Variants in PIK3R2 observed in about 807,000 individuals in gnomAD.
PIK3R2 encodes phosphatidylinositol 3-kinase regulatory subunit beta.
A neutral mutation model predicts 78.5 loss-of-function variants in PIK3R2; 40 were observed. The ratio of observed to expected loss-of-function variants is 0.51; its 90% CI spans 0.40 to 0.66. The LOEUF (loss-of-function observed/expected upper bound fraction) is 0.66, where lower values mean the gene tolerates loss of function less well. Ranked by LOEUF, PIK3R2 falls within the 30% of genes least tolerant of loss-of-function variation. The pLI is 0.00. For synonymous variants in PIK3R2, 473 were observed against 457.7 expected, an observed-to-expected ratio of 1.03 and a Z score of -0.43; for missense variants, 880 against 1,026.6, an observed-to-expected ratio of 0.86 and a Z score of 1.95.
Position 18,155,837 on chromosome 19 carries a change from A to G in PIK3R2, c.-43A>G. On this transcript the variant is annotated 5_prime_UTR_variant, in exon 2 of 16. Transcript: ENST00000222254. ...AACCAATGGGGCCAGTGGGGCTCCA[A>G]GCAGCCACCTAACCATCCAGACCCC... is the stretch of plus-strand genomic sequence containing the variant. 4.7e-6 allele frequency: 7 copies of G among 1,485,672 alleles called. No homozygotes were observed. Among genetic ancestry groups the G allele is most frequent in the South Asian group, 3.9e-5 (3 of 76,756 alleles). The allele number at this position is 1,485,672 out of a possible 1,614,324, so 92.0% of individuals were successfully genotyped here.
At position 18,167,397 on chromosome 19, in the gene PIK3R2, A is replaced by G; in HGVS notation, c.1736+91A>G. ...TAGGAGTCTCAGTCTCTCTCTCTCC[A>G]CCAAGTGGCCCTTCCTGGGCCCCGA... On this transcript the variant is annotated intron_variant, in intron 13 of 15. Transcript: ENST00000222254. The surrounding 1 kb of genome is among the most constrained non-coding windows in gnomAD (Gnocchi z 4.5). The G allele has an allele frequency of 8.5e-7, 1 of 1,172,724 alleles. No homozygotes were observed. Among genetic ancestry groups the G allele is most frequent in the Non-Finnish European group, 1.2e-6 (1 of 865,940 alleles). The allele number at this position is 1,172,724 out of a possible 1,614,324, so 72.6% of individuals were successfully genotyped here.
At position 18,156,314 on chromosome 19, in the gene PIK3R2, G is replaced by C. The variant is rs2043679719; in HGVS notation, c.322+113G>C. 2 of 856,944 alleles carry C rather than the reference G, an allele frequency of 2.3e-6. No homozygotes were observed. Among genetic ancestry groups the C allele is most frequent in the African/African-American group, 3.6e-5 (2 of 55,662 alleles). The allele number at this position is 856,944 out of a possible 1,614,324, so 53.1% of individuals were successfully genotyped here. Reference sequence around the variant, plus strand: ...CAAGGAAGGAGGAAAAAGGACATTTGGTCATTTGACAAGTGTCTTCAGTGC... The same window carrying C: ...CAAGGAAGGAGGAAAAAGGACATTTCGTCATTTGACAAGTGTCTTCAGTGC... On this transcript the variant is annotated intron_variant, in intron 2 of 15. Transcript: ENST00000222254. This position sits in a 1 kb window ranked among gnomAD's most constrained non-coding sequence, Gnocchi z 4.2.
rs751700743 is a variant in PIK3R2 at position 18,169,246 on chromosome 19, G to A, written c.2139G>A (p.Ala713=). ...ACGACGCGCTCACCGTCACCCTGGC[G>A]CACCCAGTGCGCGCCCCGGGCCCCG... ...QHNDALTVTL[A]HPVRAPGPGP... is the part of the protein sequence containing the mutation. The change falls in exon 16 of 16, where the codon GCG becomes GCA. Residue 713 remains alanine (A), a synonymous_variant. Coordinates refer to ENST00000222254, the MANE Select transcript of PIK3R2 (RefSeq NM_005027.4). The A allele has an allele frequency of 2.5e-6, 4 of 1,577,684 alleles. No homozygotes were observed. Among genetic ancestry groups the A allele is most frequent in the Non-Finnish European group, 8.6e-7 (1 of 1,169,564 alleles).
Position 18,163,073 on chromosome 19 carries a change from C to G in PIK3R2, c.1216C>G (p.Arg406Gly), listed in dbSNP as rs149367522. The G allele has an allele frequency of 1.2e-6, 2 of 1,613,744 alleles. No homozygotes were observed. Among genetic ancestry groups the G allele is most frequent in the African/African-American group, 2.7e-5 (2 of 74,808 alleles). The change falls in exon 10 of 16, where the codon CGC (arginine) becomes GGC (glycine). Residue 406 changes from arginine (R) to glycine (G), a missense_variant. Arg to Gly is a moderately radical substitution (Grantham distance 125). Transcript: ENST00000222254. ...CSVVDLINHY[R>G]HESLAQYNAK... ...CGTTGTGGACCTCATCAATCACTACCGCCACGAGTCTCTGGCCCAGTACAA... is the reference window on the plus strand; with the variant it reads ...CGTTGTGGACCTCATCAATCACTACGGCCACGAGTCTCTGGCCCAGTACAA...
chr19:18,168,890 C>T lies in PIK3R2; in HGVS notation c.1973C>T (p.Ser658Phe). ...AGCCAGCGGGGCTGCTACGCCTGCT[C>T]CGTGGTGTGAGTGGACCGCAGCGGT... ...ESSQRGCYAC[S>F]VVVDGDTKHC... Residue 658 changes from serine (S) to phenylalanine (F), a missense_variant, in exon 15 of 16, where the codon TCC becomes TTC. Coordinates refer to ENST00000222254, the MANE Select transcript of PIK3R2 (RefSeq NM_005027.4). This position sits in a 1 kb window ranked among gnomAD's most constrained non-coding sequence, Gnocchi z 4.1. 1 of 1,612,402 alleles carries T rather than the reference C, an allele frequency of 6.2e-7. No homozygotes were observed. The highest frequency in any genetic ancestry group is 2.2e-5 in the East Asian group (1 of 44,790).
rs1170642617 is a variant in PIK3R2, at chr19:18,169,184, G to T, written c.2077G>T (p.Val693Leu). The change falls in exon 16 of 16, where the codon GTG becomes TTG. Residue 693 changes from valine to leucine, a missense_variant. Physicochemically the swap from Val to Leu is conservative, Grantham distance 32 (BLOSUM62 1). Around this residue, in one of 3 missense-constraint regions of PIK3R2, gnomAD observed 268 missense variants for 299.1 expected, o/e 0.90. Transcript: ENST00000222254. Reference sequence around the variant, plus strand: ...CCTGTACGGGTCGCTGAAGGAGCTGGTGCTGCACTACCAGCACGCCTCGCT... The same window carrying T: ...CCTGTACGGGTCGCTGAAGGAGCTGTTGCTGCACTACCAGCACGCCTCGCT... ...YNLYGSLKEL[V>L]LHYQHASLVQ... The T allele has an allele frequency of 2.5e-6, 4 of 1,609,796 alleles. No homozygotes were observed. Among genetic ancestry groups the T allele is most frequent in the South Asian group, 1.1e-5 (1 of 91,054 alleles).
In PIK3R2 at chr19:18,162,035, G is replaced by C. The variant is rs751565885; in HGVS notation, c.885G>C (p.Gln295His). 6 of 1,613,816 alleles carry C rather than the reference G, an allele frequency of 3.7e-6. No homozygotes were observed. The South Asian group carries it at 5.5e-5, about 15-fold the overall frequency. The change falls in exon 7 of 16, where the codon CAG (glutamine) becomes CAC (histidine). Residue 295 changes from glutamine to histidine, a missense_variant. Transcript: ENST00000222254. ...TGCTTCAGGAACACTTGGAAGAGCA[G>C]GAGGTTGCGCCCCCAGGTGAGTCCC... ...EKLLQEHLEE[Q>H]EVAPPALPPK...
At chr19:18,163,834 T>TAAAAACAG (rs2043778841) in intron 11 of PIK3R2, among the ~76,000 whole-genome samples, 1 of 23,224 alleles carries the variant, frequency 4.3e-5, no homozygotes, top group Non-Finnish European at 1.2e-4. Flanking sequence ...AAAACAGAAA[T>TAAAAACAG]AAGCGTACGA....
rs539061893 is a variant in PIK3R2 at position 18,161,003 on chromosome 19, C to A, written c.466+34C>A. On this transcript the variant is annotated intron_variant, in intron 4 of 15. Coordinates refer to ENST00000222254, the MANE Select transcript of PIK3R2 (RefSeq NM_005027.4). The surrounding 1 kb of genome is among the most constrained non-coding windows in gnomAD (Gnocchi z 5.3). ...GAGCCTCAATGGGGTTGGGAGGAGG[C>A]TGGGGGCCCCAGTACACATGAGTTG... 4.3e-6 allele frequency: 7 copies of A among 1,612,360 alleles called. No homozygotes were observed. Among genetic ancestry groups the A allele is most frequent in the Admixed American group, 3.3e-5 (2 of 59,848 alleles).
chr19:18,155,463 G>A lies in PIK3R2; in HGVS notation c.-417G>A, dbSNP rs764754219. 9.3e-5 allele frequency: 38 copies of A among 407,526 alleles called. No homozygotes were observed. The highest frequency in any genetic ancestry group is 1.2e-3 in the Middle Eastern group (2 of 1,620). The allele number at this position is 407,526 out of a possible 1,614,324, so 25.2% of individuals were successfully genotyped here. On this transcript the variant is annotated 5_prime_UTR_variant, in exon 2 of 16. Transcript: ENST00000222254. The stretch of plus-strand genomic sequence containing the variant: ...CCTATCCCTGTCTCCCTAGGTCGGC[G>A]TCCTCAGCTGGCCGAGCATGGTGGC...
intron 11 of PIK3R2, among the ~76,000 whole-genome samples, chr19:18,165,427 G>A (rs1243113849): frequency 4.0e-5 from 6 of 150,812 alleles, no homozygotes; most frequent in African/African-American, 1.2e-4. Context: ...CCAGCTACTT[G>A]GAAGGCTGAG....
At chr19:18,169,037 C>T in intron 15 of PIK3R2, 50 bp from the exon 16 acceptor site, 1 of 1,584,074 alleles carries the variant, frequency 6.3e-7, no homozygotes. Context: ...ACGGGGAAAG[C>T]TTGGCGGGGA....
At chr19:18,163,459 C>G in intron 11 of PIK3R2, 71 bp downstream of exon 11, 1 of 1,552,570 alleles carries the variant, frequency 6.4e-7, no homozygotes, top group East Asian at 2.3e-5. Flanking sequence ...AGCAGGATGA[C>G]CAACCCCAGA....
chr19:18,167,209 C>A lies in PIK3R2; in HGVS notation c.1639C>A (p.Arg547=). 6.2e-7 allele frequency: 1 copy of A among 1,611,484 alleles called. No homozygotes were observed. Among genetic ancestry groups the A allele is most frequent in the Middle Eastern group, 1.7e-4 (1 of 6,056 alleles). The change falls in exon 13 of 16, where the codon CGG becomes AGG. Residue 547 remains arginine (R), a synonymous_variant. Coordinates refer to ENST00000222254, the MANE Select transcript of PIK3R2 (RefSeq NM_005027.4). This position sits in a 1 kb window ranked among gnomAD's most constrained non-coding sequence, Gnocchi z 4.5. ...ESRTKLEQQL[R]AQASDNREID... ...CCGCACGAAGCTGGAGCAGCAGCTG[C>A]GGGCCCAGGCCTCGGACAACAGAGA... is the stretch of plus-strand genomic sequence containing the variant.
In PIK3R2 at chr19:18,169,068, CT is replaced by C. The variant is rs1245411584; in HGVS notation, c.1980-18del. 3 of 1,603,908 alleles carry C rather than the reference CT, an allele frequency of 1.9e-6. No homozygotes were observed. Among genetic ancestry groups the C allele is most frequent in the East Asian group, 2.2e-5 (1 of 44,728 alleles). ...GGGGAGGCCAGCCTTCCGACTCCCC[CT>C]CTCGTCTGCCCCCACAGAGTGGACG... On this transcript the variant is annotated intron_variant, in intron 15 of 15. Transcript: ENST00000222254.
intron 8 of PIK3R2, 37 bp downstream of exon 8, chr19:18,162,347 G>C (rs777572463): frequency 6.3e-7 from 1 of 1,590,922 alleles, no homozygotes; most frequent in African/African-American, 1.3e-5. Context: ...CCAAGGAGGT[G>C]TCACAGGGTG....
chr19:18,165,324 C>T (rs2147955651), intron 11 of PIK3R2, among the ~76,000 whole-genome samples: 1 of 128,272 alleles, frequency 7.8e-6, no homozygotes, highest in South Asian at 2.5e-4. Flanking sequence ...GAGATCACAC[C>T]ATTGCACTCC....
In PIK3R2 at chr19:18,155,906, C is replaced by G; in HGVS notation, c.27C>G (p.Tyr9Ter). The G allele has an allele frequency of 1.9e-6, 3 of 1,561,552 alleles. No individual in the cohort carries two copies. The highest frequency in any genetic ancestry group is 2.6e-6 in the Non-Finnish European group (3 of 1,153,294). ...TGGCGGGCCCTGAGGGCTTCCAGTACCGCGCTCTGTACCCGTTCCGCCGGG... is the reference window on the plus strand; with the variant it reads ...TGGCGGGCCCTGAGGGCTTCCAGTAGCGCGCTCTGTACCCGTTCCGCCGGG... MAGPEGFQ[Y>*]RALYPFRRER... The change falls in exon 2 of 16, where the codon TAC becomes TAG. Residue 9 changes from tyrosine (Y) to a stop codon, truncating the protein, a stop_gained. Coordinates refer to ENST00000222254, the MANE Select transcript of PIK3R2 (RefSeq NM_005027.4). LOFTEE classifies it high-confidence loss of function.
intron 11 of PIK3R2, among the ~76,000 whole-genome samples, chr19:18,165,674 C>A (rs1415104027): frequency 6.6e-6 from 1 of 152,168 alleles, no homozygotes; most frequent in Non-Finnish European, 1.5e-5. Context: ...GCCTCTGTCC[C>A]CTTTTTACTG....
Sources: gnomAD v4.1 joint callset for allele counts (sites outside exome capture counted in the v4.1 genomes callset) on GRCh38, gnomAD v4.1.1 for gene constraint, gnomAD v4.1.1 regional missense constraint, Gnocchi (gnomAD v3.1) non-coding constraint, MANE v1.5 for transcripts, NCBI Gene and HGNC (gene_info 2026-07-23, HGNC 2026-07-21) for gene names.